LRRTM4: variants seen among roughly 807,000 people sequenced by gnomAD.
LRRTM4 encodes leucine-rich repeat transmembrane neuronal protein 4.
Under a neutral mutation model 47.6 loss-of-function variants are expected in LRRTM4, and 25 were observed. That is an observed-to-expected ratio of 0.53 (90% CI 0.38 to 0.73). LRRTM4 has a LOEUF of 0.73. Among genes scored for constraint, LRRTM4 ranks in the 30% least tolerant of loss-of-function variants. The probability of loss-of-function intolerance (pLI) is 0.00; values close to 1 mark genes in which losing one functional copy is unlikely to be tolerated. For synonymous variants in LRRTM4, 311 were observed against 269.5 expected, an observed-to-expected ratio of 1.15 and a Z score of -1.51; for missense variants, 638 against 713.4, an observed-to-expected ratio of 0.89 and a Z score of 1.20.
intron 3 of LRRTM4, among the ~76,000 whole-genome samples, chr2:76,930,390 T>C (rs182677839): frequency 6.6e-6 from 1 of 152,338 alleles, no homozygotes; most frequent in Non-Finnish European, 1.5e-5. Flanking sequence ...CTGTAATTAG[T>C]AAACGTGTCT....
At chr2:77,093,713 T>C (rs1292722960) in intron 3 of LRRTM4, among the ~76,000 whole-genome samples, 1 of 151,994 alleles carries the variant, frequency 6.6e-6, no homozygotes, top group Non-Finnish European at 1.5e-5. Flanking sequence ...CCCTGTGACT[T>C]GCACATATAC....
chr2:77,521,772 A>G lies in LRRTM4; in HGVS notation c.-101T>C. 1 of 1,304,416 alleles carries G rather than the reference A, an allele frequency of 7.7e-7. No homozygotes were observed. The highest frequency in any genetic ancestry group is 1.1e-6 in the Non-Finnish European group (1 of 909,878). 80.8% of individuals were successfully genotyped at this position (1,304,416 alleles called of 1,614,324 possible). ...ACCTTCATGACACAGTGCGGCTGTCATTCACACCATTCTGATCCCGCATGT... is the reference window on the plus strand; with the variant it reads ...ACCTTCATGACACAGTGCGGCTGTCGTTCACACCATTCTGATCCCGCATGT... On this transcript the variant is annotated 5_prime_UTR_variant, in exon 2 of 4. It removes an upstream start codon present in the reference 5' UTR. Coordinates refer to ENST00000409884, the MANE Select transcript of LRRTM4 (RefSeq NM_001134745.3).
intron 3 of LRRTM4, among the ~76,000 whole-genome samples, chr2:76,802,814 G>A (rs954800674): frequency 6.6e-6 from 1 of 152,034 alleles, no homozygotes; most frequent in African/African-American, 2.4e-5. Flanking sequence ...ACAGTCAATT[G>A]GTTTTTGACA....
At chr2:77,468,516 A>G (rs1048732469) in intron 3 of LRRTM4, among the ~76,000 whole-genome samples, 11 of 152,190 alleles carry the variant, frequency 7.2e-5, no homozygotes, top group Admixed American at 7.2e-4. Flanking sequence ...AAATCTTCAA[A>G]TATTGAAGTA....
At chr2:76,992,614 G>A (rs985897854) in intron 3 of LRRTM4, among the ~76,000 whole-genome samples, 26 of 151,518 alleles carry the variant, frequency 1.7e-4, no homozygotes, top group Non-Finnish European at 1.6e-4. Flanking sequence ...ACTGCTGAAA[G>A]AAATCAAAGA....
chr2:77,318,217 AGGAT>A (rs1199485600), intron 3 of LRRTM4, among the ~76,000 whole-genome samples: 1 of 152,094 alleles, frequency 6.6e-6, no homozygotes, highest in African/African-American at 2.4e-5. Flanking sequence ...CATGTTAGCA[AGGAT>A]GGTCTTGATC....
chr2:76,916,919 A>C (rs1313153645), intron 3 of LRRTM4, among the ~76,000 whole-genome samples: 6 of 152,220 alleles, frequency 3.9e-5, no homozygotes, highest in Admixed American at 3.3e-4. Flanking sequence ...TGCAAATAAC[A>C]GTTTCATATT....
intron 3 of LRRTM4, among the ~76,000 whole-genome samples, chr2:76,974,211 C>CATACATATATATACATATATATAT (rs1440382318): frequency 8.5e-6 from 1 of 118,234 alleles, no homozygotes; most frequent in East Asian, 2.9e-4. Flanking sequence ...TATATATATA[C>CATACATATATATACATATATATAT]ACATATATAT....
rs148724047 is a variant in LRRTM4, at chr2:76,961,015, T to C, written c.1552-212099A>G. Among the ~76,000 whole-genome samples, 580 of 151,704 alleles carry C rather than the reference T, an allele frequency of 3.8e-3. 1 individual carries two copies. Among genetic ancestry groups the C allele is most frequent in the African/African-American group, 0.013 (555 of 41,514 alleles). On this transcript the variant is annotated intron_variant, in intron 3 of 3. Transcript: ENST00000409884. The stretch of plus-strand genomic sequence containing the variant: ...TTTGTAATTAATACTTGTGAAAGAT[T>C]AGAGAATGTAAAGTTTTATTTTTAA...
intron 3 of LRRTM4, among the ~76,000 whole-genome samples, chr2:77,413,509 T>G (rs1674519867): frequency 6.6e-6 from 1 of 152,156 alleles, no homozygotes; most frequent in African/African-American, 2.4e-5. Context: ...TTTGCCCTAT[T>G]CTGGACCAAT....
At chr2:77,013,085 T>A (rs1677933251) in intron 3 of LRRTM4, among the ~76,000 whole-genome samples, 1 of 152,380 alleles carries the variant, frequency 6.6e-6, no homozygotes, top group Non-Finnish European at 1.5e-5. Flanking sequence ...CACTTTACTT[T>A]ATTCTCATTT....
At chr2:77,391,743 A>G (rs1673512128) in intron 3 of LRRTM4, among the ~76,000 whole-genome samples, 1 of 151,780 alleles carries the variant, frequency 6.6e-6, no homozygotes, top group Non-Finnish European at 1.5e-5. Flanking sequence ...AAACCCAAAA[A>G]CTAGTTCAGG....
At chr2:77,319,933 C>T (rs1677737294) in intron 3 of LRRTM4, among the ~76,000 whole-genome samples, 1 of 152,198 alleles carries the variant, frequency 6.6e-6, no homozygotes, top group Non-Finnish European at 1.5e-5. Flanking sequence ...AACATCCCTT[C>T]TAGCGTTGTT....
At chr2:77,301,368 T>G (rs768826999) in intron 3 of LRRTM4, among the ~76,000 whole-genome samples, 5 of 152,076 alleles carry the variant, frequency 3.3e-5, no homozygotes, top group Non-Finnish European at 7.4e-5. Context: ...AAGCAGGCAC[T>G]ACCAACATAA....
At chr2:76,807,798 G>T (rs984250209) in intron 3 of LRRTM4, among the ~76,000 whole-genome samples, 9 of 151,538 alleles carry the variant, frequency 5.9e-5, no homozygotes, top group African/African-American at 2.2e-4. Flanking sequence ...CACCATGTTG[G>T]TCTCCAACTC....
intron 3 of LRRTM4, among the ~76,000 whole-genome samples, chr2:76,800,968 A>G (rs1019790390): frequency 1.3e-5 from 2 of 150,092 alleles, no homozygotes; most frequent in South Asian, 2.2e-4. Flanking sequence ...ATGAGATACC[A>G]TCTCACACCA....
chr2:77,308,440 G>T (rs941980665), intron 3 of LRRTM4, among the ~76,000 whole-genome samples: 1 of 151,848 alleles, frequency 6.6e-6, no homozygotes, highest in African/African-American at 2.4e-5. Context: ...ATTTTAGCTC[G>T]AATATTATCA....
chr2:77,135,449 A>C lies in LRRTM4; in HGVS notation c.1551+382869T>G, dbSNP rs78228589. ...GAACAAACTCTTCACAGAATTACTT[A>C]GGGTCTTCTTGGATCCTAAACTTCC... is the stretch of plus-strand genomic sequence containing the variant. On this transcript the variant is annotated intron_variant, in intron 3 of 3. Transcript: ENST00000409884. Among the ~76,000 whole-genome samples the C allele has an allele frequency of 9.5e-3, 1,453 of 152,302 alleles. 63 individuals carry two copies. The East Asian group carries it at 0.099, about 10-fold the overall frequency.
At chr2:77,269,949 G>A (rs1676148674) in intron 3 of LRRTM4, among the ~76,000 whole-genome samples, 1 of 152,168 alleles carries the variant, frequency 6.6e-6, no homozygotes, top group African/African-American at 2.4e-5. Context: ...GCACTTTCAT[G>A]GAGGACCATG....
Sources: gnomAD v4.1 joint callset for allele counts (sites outside exome capture counted in the v4.1 genomes callset) on GRCh38, gnomAD v4.1.1 for gene constraint, MANE v1.5 for transcripts, NCBI Gene and HGNC (gene_info 2026-07-23, HGNC 2026-07-21) for gene names.